Variants in ENTPD6 observed in about 807,000 individuals in gnomAD.
ENTPD6 encodes ectonucleoside triphosphate diphosphohydrolase 6, also known as CD39 antigen-like 2.
Under a neutral mutation model 61.5 loss-of-function variants are expected in ENTPD6, and 46 were observed. That is an observed-to-expected ratio of 0.75 (90% CI 0.59 to 0.96). ENTPD6 has a LOEUF of 0.96. ENTPD6 is among the 40% of genes least tolerant of loss of function. ENTPD6 has a pLI of 0.00. For missense variants in ENTPD6, 612 were observed against 629.0 expected (o/e 0.97, Z 0.29); for synonymous variants, 252 against 255.5 (o/e 0.99, Z 0.13).
chr20:25,196,255 G>A (rs1244172419), intron 1 of ENTPD6: 2 of 1,082,020 alleles, frequency 1.8e-6, no homozygotes, highest in Non-Finnish European at 2.2e-6. Context: ...TGGGAAACAG[G>A]TAGGATCAGG....
intron 1 of ENTPD6, among the ~76,000 whole-genome samples, chr20:25,202,091 T>C (rs2091089752): frequency 6.6e-6 from 1 of 152,220 alleles, no homozygotes; most frequent in Non-Finnish European, 1.5e-5. Flanking sequence ...AATGTTATTA[T>C]AATAAGAAAT....
In ENTPD6 at chr20:25,217,637, A is replaced by T. The variant is rs2092389561; in HGVS notation, c.878+56A>T. On this transcript the variant is annotated intron_variant, in intron 9 of 14. Coordinates refer to ENST00000376652, the MANE Select transcript of ENTPD6 (RefSeq NM_001247.5). ...GCCATGGGGTGGGTATGCAGCTCCC[A>T]GGGCCTCGCATGGCCCTCTTGAGGT... 2.0e-6 allele frequency: 3 copies of T among 1,476,090 alleles called. No homozygotes were observed. In the East Asian group the frequency reaches 6.8e-5, roughly 33 times the overall value. 91.4% of individuals were successfully genotyped at this position (1,476,090 alleles called of 1,614,324 possible).
intron 5 of ENTPD6, among the ~76,000 whole-genome samples, chr20:25,213,794 A>G (rs1271518076): frequency 6.6e-6 from 1 of 152,164 alleles, no homozygotes; most frequent in Non-Finnish European, 1.5e-5. Context: ...TACCAAAAAC[A>G]CAAAAATTAG....
chr20:25,211,373 A>C (rs1294204525), intron 4 of ENTPD6, among the ~76,000 whole-genome samples: 2 of 152,234 alleles, frequency 1.3e-5, no homozygotes, highest in Non-Finnish European at 2.9e-5. Context: ...AGTAGGTGAC[A>C]CACATTCAAG....
intron 9 of ENTPD6, among the ~76,000 whole-genome samples, 174 bp from the exon 10 acceptor site, chr20:25,218,376 A>G (rs1043981868): frequency 6.6e-6 from 1 of 152,214 alleles, no homozygotes; most frequent in East Asian, 1.9e-4. Flanking sequence ...TGTTGAATTA[A>G]TTAGCTAAGT....
At chr20:25,205,501 CACAGGGGCCAGCAGGG>C (rs149716692) in intron 1 of ENTPD6, among the ~76,000 whole-genome samples, 39,070 of 151,696 alleles carry the variant, frequency 0.26, 6,219 homozygotes, top group East Asian at 0.61. Flanking sequence ...GCGATGAAGC[CACAGGGGCCAGCAGGG>C]ACAGGGGCCG....
At chr20:25,196,074 GT>G in intron 1 of ENTPD6, 1 of 990,884 alleles carries the variant, frequency 1.0e-6, no homozygotes, top group Non-Finnish European at 1.3e-6. Flanking sequence ...CAAGTCCAGT[GT>G]TTTGGGCCAC....
chr20:25,213,222 T>C (rs1413658854), intron 4 of ENTPD6, 41 bp from the exon 5 acceptor site: 1 of 1,613,664 alleles, frequency 6.2e-7, no homozygotes, highest in Non-Finnish European at 8.5e-7. Context: ...CCCTGTATGC[T>C]GCACTTGACA....
chr20:25,223,035 G>A, intron 12 of ENTPD6, 57 bp downstream of exon 12: 3 of 1,109,616 alleles, frequency 2.7e-6, no homozygotes, highest in Non-Finnish European at 3.9e-6. Context: ...GGCGGGGGTG[G>A]AGGGCGTGTG....
In ENTPD6 at chr20:25,225,625, C is replaced by T. The variant is rs1465278017; in HGVS notation, c.*28C>T. ...GCCGAGCCATCCCTGTCCCCGTCAGCAGTGTCTGTGTGTCTGCATAAACCC... is the reference window on the plus strand; with the variant it reads ...GCCGAGCCATCCCTGTCCCCGTCAGTAGTGTCTGTGTGTCTGCATAAACCC... On this transcript the variant is annotated 3_prime_UTR_variant, in exon 15 of 15. Coordinates refer to ENST00000376652, the MANE Select transcript of ENTPD6 (RefSeq NM_001247.5). The T allele has an allele frequency of 6.3e-7, 1 of 1,582,430 alleles. No individual in the cohort carries two copies. Among genetic ancestry groups the T allele is most frequent in the African/African-American group, 1.3e-5 (1 of 74,176 alleles).
intron 1 of ENTPD6, 50 bp from the exon 2 acceptor site, chr20:25,206,472 G>T: frequency 6.9e-7 from 1 of 1,442,190 alleles, no homozygotes; most frequent in South Asian, 1.2e-5. Context: ...TACTCTAGTA[G>T]AATTTTTGTA....
chr20:25,200,837 TTCC>T (rs1161988942), intron 1 of ENTPD6, among the ~76,000 whole-genome samples: 1 of 152,184 alleles, frequency 6.6e-6, no homozygotes, highest in Non-Finnish European at 1.5e-5. Context: ...TCCTCCTTTT[TTCC>T]TCCTCCTTTT....
chr20:25,218,739 C>T (rs1310805543), intron 10 of ENTPD6, 125 bp downstream of exon 10: 3 of 969,138 alleles, frequency 3.1e-6, no homozygotes, highest in African/African-American at 3.3e-5. Context: ...GCCCCTCCCA[C>T]CCCACTGCTG....
rs1249836297 is a variant in ENTPD6, at chr20:25,206,565, C to A, written c.29C>A (p.Ser10Tyr). The change falls in exon 2 of 15, where the codon TCC becomes TAC. Residue 10 changes from serine (S) to tyrosine (Y), a missense_variant. By Grantham distance (144) the Ser-to-Tyr change is moderately radical. Transcript: ENST00000376652. ...AAAAAAGGTATCCGTTATGAAACTTCCAGAAAAACGAGCTACATTTTTCAG... is the reference window on the plus strand; with the variant it reads ...AAAAAAGGTATCCGTTATGAAACTTACAGAAAAACGAGCTACATTTTTCAG... MKKGIRYET[S>Y]RKTSYIFQQP... 1.2e-6 allele frequency: 2 copies of A among 1,613,780 alleles called. No homozygotes were observed. The highest frequency in any genetic ancestry group is 1.7e-6 in the Non-Finnish European group (2 of 1,179,664).
At position 25,209,856 on chromosome 20, in the gene ENTPD6, C is replaced by G. The variant is rs772057782; in HGVS notation, c.384C>G (p.Pro128=). Residue 128 remains proline (P), a synonymous_variant, in exon 4 of 15, where the codon CCC becomes CCG. Coordinates refer to ENST00000376652, the MANE Select transcript of ENTPD6 (RefSeq NM_001247.5). Reference sequence around the variant, plus strand: ...AACATGTTTTCCCCTTAGAAACTCCCACGTTAACCCACGAAACCTTCAAAG... The same window carrying G: ...AACATGTTTTCCCCTTAGAAACTCCGACGTTAACCCACGAAACCTTCAAAG... ...FQFTRPPRET[P]TLTHETFKAL... is the part of the protein sequence containing the mutation. The G allele has an allele frequency of 2.5e-6, 4 of 1,613,934 alleles. No individual in the cohort carries two copies. Among genetic ancestry groups the G allele is most frequent in the Non-Finnish European group, 3.4e-6 (4 of 1,179,794 alleles).
chr20:25,216,624 CTG>C (rs758565109), intron 7 of ENTPD6, 22 bp from the exon 8 acceptor site: 6 of 1,565,146 alleles, frequency 3.8e-6, no homozygotes, highest in Non-Finnish European at 5.2e-6. Flanking sequence ...TGCCCCTGTG[CTG>C]TTTTTGCTTG....
chr20:25,201,291 T>C (rs1237508611), intron 1 of ENTPD6, among the ~76,000 whole-genome samples: 1 of 152,206 alleles, frequency 6.6e-6, no homozygotes, highest in Non-Finnish European at 1.5e-5. Flanking sequence ...GTTTGAGTCC[T>C]CTGTTTCTAT....
At chr20:25,195,985 G>A (rs764094378) in intron 1 of ENTPD6, 118 bp downstream of exon 1, 1,337 of 905,520 alleles carry the variant, frequency 1.5e-3, no homozygotes, top group Non-Finnish European at 1.8e-3. Flanking sequence ...TCGCACCCCG[G>A]GTCCCACCTC....
chr20:25,212,394 G>A (rs1322415792), intron 4 of ENTPD6, among the ~76,000 whole-genome samples: 1 of 152,210 alleles, frequency 6.6e-6, no homozygotes, highest in Non-Finnish European at 1.5e-5. Flanking sequence ...ATTGGCACAG[G>A]TCTGGATGTG....
Sources: gnomAD v4.1 joint callset for allele counts (sites outside exome capture counted in the v4.1 genomes callset) on GRCh38, gnomAD v4.1.1 for gene constraint, MANE v1.5 for transcripts, NCBI Gene and HGNC (gene_info 2026-07-23, HGNC 2026-07-21) for gene names.